The following INTS4 variants were observed in gnomAD, a reference collection of about 807,000 sequenced individuals.
INTS4 encodes the protein integrator complex subunit 4.
In INTS4, 70 loss-of-function variants were observed where a neutral mutation model predicts 119.5. That is an observed-to-expected ratio of 0.59 (90% confidence interval 0.48 to 0.71). The LOEUF is 0.71. INTS4 is among the 30% of genes least tolerant of loss of function. The probability of loss-of-function intolerance (pLI) is 0.00; values close to 1 mark genes in which losing one functional copy is unlikely to be tolerated. For missense variants in INTS4, 867 were observed against 1,173.2 expected, an observed-to-expected ratio of 0.74 and a Z score of 3.81; for synonymous variants, 316 against 419.6, an observed-to-expected ratio of 0.75 and a Z score of 3.02.
chr11:77,989,425 C>T (rs1591153736), intron 2 of INTS4, among the ~76,000 whole-genome samples: 2 of 151,838 alleles, frequency 1.3e-5, no homozygotes, highest in African/African-American at 4.8e-5. Context: ...AGTGCTATTA[C>T]ACTCCAGCCT....
chr11:77,934,623 AAAT>A (rs949485543), intron 10 of INTS4, among the ~76,000 whole-genome samples: 1 of 150,940 alleles, frequency 6.6e-6, no homozygotes, highest in African/African-American at 2.5e-5. Context: ...AAAAATAAAA[AAAT>A]AAAAGTGATG....
chr11:77,914,369 C>T (rs1255069480), intron 15 of INTS4, among the ~76,000 whole-genome samples: 1 of 152,242 alleles, frequency 6.6e-6, no homozygotes. Flanking sequence ...CAGGATAAAA[C>T]TGTCAAGGAC....
chr11:77,914,441 C>T (rs1408187074), intron 15 of INTS4, among the ~76,000 whole-genome samples: 1 of 152,220 alleles, frequency 6.6e-6, no homozygotes, highest in African/African-American at 2.4e-5. Context: ...TTACTGGGCT[C>T]AGGGCCAACA....
At chr11:77,993,698 ATCAGTATCC>A (rs1261233912) in intron 1 of INTS4, among the ~76,000 whole-genome samples, 3 of 152,186 alleles carry the variant, frequency 2.0e-5, no homozygotes, top group African/African-American at 4.8e-5. Context: ...ATGTTTAAGG[ATCAGTATCC>A]TGCTGGATGC....
At chr11:77,883,288 G>A (rs1313146755) in intron 22 of INTS4, among the ~76,000 whole-genome samples, 5 of 152,038 alleles carry the variant, frequency 3.3e-5, no homozygotes, top group Admixed American at 6.6e-5. Flanking sequence ...TGCAGACTGA[G>A]GTCTTCTTAA....
intron 2 of INTS4, among the ~76,000 whole-genome samples, chr11:77,982,165 TCTCA>T (rs1856266950): frequency 6.9e-6 from 1 of 145,324 alleles, no homozygotes; most frequent in African/African-American, 2.6e-5. Context: ...TGAAACAGGG[TCTCA>T]CTGTCTCCCA....
chr11:77,959,565 C>A (rs1591109743), intron 6 of INTS4, among the ~76,000 whole-genome samples: 1 of 152,024 alleles, frequency 6.6e-6, no homozygotes, highest in Non-Finnish European at 1.5e-5. Context: ...TGAGTCCTTA[C>A]GATCCAAGTT....
At chr11:77,925,339 G>T (rs555757280) in intron 11 of INTS4, among the ~76,000 whole-genome samples, 1 of 152,330 alleles carries the variant, frequency 6.6e-6, no homozygotes, top group South Asian at 2.1e-4. Context: ...ACAGATCACT[G>T]TAACAGATGT....
chr11:77,876,968 C>T (rs1382208724), downstream of INTS4: 6 of 703,378 alleles, frequency 8.5e-6, no homozygotes, highest in Non-Finnish European at 5.2e-6. Flanking sequence ...CCAGCAGCTG[C>T]CATCAGGTGT....
intron 9 of INTS4, 119 bp downstream of exon 9, chr11:77,941,061 T>C (rs1591084222): frequency 5.3e-5 from 72 of 1,361,080 alleles, no homozygotes; most frequent in Non-Finnish European, 6.7e-5. Context: ...AATTAAAATG[T>C]AATACAGTTA....
chr11:77,981,563 G>A lies in INTS4; in HGVS notation c.260C>T (p.Ser87Phe), dbSNP rs1274150191. The part of the protein sequence containing the change: ...LEHYYKENDP[S>F]VRLKIASLLG... The stretch of plus-strand genomic sequence containing the variant: ...CAATGATGCAATTTTCAGTCTCACA[G>A]ATGGATCATTCTCCTGGAAAAAAAG... Residue 87 changes from serine to phenylalanine, a missense_variant, in exon 3 of 23, where the codon TCT becomes TTT. Physicochemically the swap from Ser to Phe is radical, Grantham distance 155. Coordinates refer to ENST00000534064, the MANE Select transcript of INTS4 (RefSeq NM_033547.4). 6.4e-7 allele frequency: 1 copy of A among 1,564,174 alleles called. No individual in the cohort carries two copies. The highest frequency in any genetic ancestry group is 1.8e-5 in the Admixed American group (1 of 55,706).
chr11:77,987,973 T>C (rs920094557), intron 2 of INTS4, among the ~76,000 whole-genome samples: 1 of 152,224 alleles, frequency 6.6e-6, no homozygotes, highest in Non-Finnish European at 1.5e-5. Context: ...CTTGGTAACA[T>C]GGTGAAACCT....
chr11:77,962,567 AT>A (rs1367396854), intron 4 of INTS4, among the ~76,000 whole-genome samples: 1 of 152,204 alleles, frequency 6.6e-6, no homozygotes, highest in Non-Finnish European at 1.5e-5. Context: ...AAAACTCTGG[AT>A]TTCAAACTTC....
At chr11:77,969,611 C>G (rs191027928) in intron 4 of INTS4, among the ~76,000 whole-genome samples, 1 of 152,166 alleles carries the variant, frequency 6.6e-6, no homozygotes, top group South Asian at 2.1e-4. Context: ...TGCACTCAAG[C>G]GAGCTTCCCA....
intron 15 of INTS4, chr11:77,911,133 T>A: frequency 4.9e-6 from 6 of 1,217,898 alleles, no homozygotes; most frequent in Non-Finnish European, 6.3e-6. Context: ...CTGGGGACTT[T>A]GACATCAAGA....
At chr11:77,978,888 C>T (rs2136637649) in intron 4 of INTS4, 108 bp downstream of exon 4, 1 of 643,996 alleles carries the variant, frequency 1.6e-6, no homozygotes. Flanking sequence ...ATTCCTAATC[C>T]AACACCAAGA....
rs560690251 is a variant in INTS4, at chr11:77,951,320, G to C, written c.918+4622C>G. On this transcript the variant is annotated intron_variant, in intron 8 of 22. Transcript: ENST00000534064. ...CTACAGGTACCAAAAGAGAGAGATA[G>C]ACCAATGGAACAGAACAGAACCCTC... is the stretch of plus-strand genomic sequence containing the variant. Among the ~76,000 whole-genome samples the C allele has an allele frequency of 2.3e-3, 352 of 152,206 alleles. 2 individuals are homozygous for C. In the Middle Eastern group the frequency reaches 0.037, roughly 16 times the overall value.
chr11:77,916,665 T>C (rs1953211464), intron 15 of INTS4, among the ~76,000 whole-genome samples: 1 of 152,204 alleles, frequency 6.6e-6, no homozygotes, highest in Non-Finnish European at 1.5e-5. Context: ...TCTGCTGAAG[T>C]TGGAACTGTC....
At chr11:77,959,207 T>A (rs556287969) in intron 6 of INTS4, among the ~76,000 whole-genome samples, 123 of 152,328 alleles carry the variant, frequency 8.1e-4, no homozygotes, top group African/African-American at 2.9e-3. Context: ...TTTACCTTGG[T>A]CTGAAATCAC....
Sources: allele counts gnomAD v4.1 joint callset (sites outside exome capture counted in the v4.1 genomes callset), GRCh38; gene constraint gnomAD v4.1.1; transcripts MANE v1.5; gene names NCBI Gene and HGNC (gene_info 2026-07-23, HGNC 2026-07-21).